Variants in ZNF684 observed in about 807,000 individuals in gnomAD.
The protein encoded by ZNF684 is hypothetical protein MGC27466.
In ZNF684, 13 loss-of-function variants were observed where a neutral mutation model predicts 12.8. The observed-to-expected ratio is 1.02, with a 90% CI of 0.66 to 1.62. ZNF684 has a LOEUF of 1.62. Among genes scored for constraint, ZNF684 ranks in the 40% most tolerant of loss-of-function variants. The pLI is 0.00. For missense variants in ZNF684, 384 were observed against 446.9 expected, an observed-to-expected ratio of 0.86 and a Z score of 1.27; for synonymous variants, 118 against 151.8, an observed-to-expected ratio of 0.78 and a Z score of 1.64.
Position 40,533,133 on chromosome 1 carries a change from A to G in ZNF684, c.-24-10A>G, listed in dbSNP as rs1645966366. On this transcript the variant is annotated splice_polypyrimidine_tract_variant and intron_variant, in intron 1 of 4. Transcript: ENST00000372699. Reference sequence around the variant, plus strand: ...TCTTTCTATTCTCTTCCCCATTTCTACTTTCATAGATTTCTGTGTAAGAGC... The same window carrying G: ...TCTTTCTATTCTCTTCCCCATTTCTGCTTTCATAGATTTCTGTGTAAGAGC... 1.2e-6 allele frequency: 2 copies of G among 1,610,544 alleles called. No homozygotes were observed. Among genetic ancestry groups the G allele is most frequent in the Non-Finnish European group, 8.5e-7 (1 of 1,177,206 alleles).
intron 2 of ZNF684, among the ~76,000 whole-genome samples, chr1:40,536,715 C>T (rs1167223541): frequency 3.5e-4 from 51 of 144,972 alleles, no homozygotes; most frequent in African/African-American, 1.2e-3. Context: ...TTCCTGTGTC[C>T]ATGTGTTCTC....
intron 4 of ZNF684, among the ~76,000 whole-genome samples, chr1:40,545,917 T>C (rs1187270630): frequency 8.3e-4 from 66 of 79,736 alleles, no homozygotes; most frequent in East Asian, 5.5e-3. Flanking sequence ...CTCCTTTTCT[T>C]TTTTTTTTTT....
At position 40,547,737 on chromosome 1, in the gene ZNF684, CTT is replaced by C. The variant is rs199835807; in HGVS notation, c.*280_*281del. On this transcript the variant is annotated 3_prime_UTR_variant, in exon 5 of 5. Transcript: ENST00000372699. ...TGAAAACTACATTTGCCATTCCTGA[CTT>C]TTAATTTTTATAATAAAATAATTAT... 2,091 of 227,050 alleles carry C rather than the reference CTT, an allele frequency of 9.2e-3. 44 individuals carry two copies. Among genetic ancestry groups the C allele is most frequent in the African/African-American group, 0.045 (1,987 of 43,724 alleles). The allele number at this position is 227,050 out of a possible 1,614,324, so 14.1% of individuals were successfully genotyped here.
intron 2 of ZNF684, among the ~76,000 whole-genome samples, chr1:40,540,231 C>G (rs1646006936): frequency 6.6e-6 from 1 of 152,070 alleles, no homozygotes; most frequent in Admixed American, 6.6e-5. Flanking sequence ...TGTTTGATAG[C>G]TTTGTTTCTT....
chr1:40,541,549 CA>C, intron 3 of ZNF684, 65 bp from the exon 4 acceptor site: 2 of 1,319,136 alleles, frequency 1.5e-6, no homozygotes, highest in Non-Finnish European at 2.2e-6. Context: ...GGAGGTAACC[CA>C]AGTTGTGAGC....
Position 40,540,495 on chromosome 1 carries a change from A to C in ZNF684, c.16-91A>C, listed in dbSNP as rs148600714. 4.7e-5 allele frequency: 62 copies of C among 1,313,502 alleles called. No individual in the cohort carries two copies. The African/African-American group carries it at 8.1e-4, about 17-fold the overall frequency. The allele number at this position is 1,313,502 out of a possible 1,614,324, so 81.4% of individuals were successfully genotyped here. On this transcript the variant is annotated intron_variant, in intron 2 of 4. Coordinates refer to ENST00000372699, the MANE Select transcript of ZNF684 (RefSeq NM_152373.4). Reference sequence around the variant, plus strand: ...CTGATTTTCTACAAACTCAACAGTGAACATGATATGATATTAAGGAGCTGC... The same window carrying C: ...CTGATTTTCTACAAACTCAACAGTGCACATGATATGATATTAAGGAGCTGC...
At chr1:40,532,477 T>C (rs1645963089) in intron 1 of ZNF684, among the ~76,000 whole-genome samples, 1 of 151,932 alleles carries the variant, frequency 6.6e-6, no homozygotes, top group Non-Finnish European at 1.5e-5. Flanking sequence ...TTGTAGAGTC[T>C]CTTGGTGTAT....
intron 2 of ZNF684, among the ~76,000 whole-genome samples, chr1:40,537,754 AT>A (rs1645993352): frequency 6.6e-6 from 1 of 152,162 alleles, no homozygotes. Context: ...AAAAAAAAAA[AT>A]AACAATTGTA....
intron 2 of ZNF684, among the ~76,000 whole-genome samples, chr1:40,533,857 T>C (rs1194148717): frequency 6.8e-6 from 1 of 147,356 alleles, no homozygotes; most frequent in East Asian, 2.0e-4. Flanking sequence ...ACAGTCTTGC[T>C]CTGTTGCCTA....
rs745378245 is a variant in ZNF684, at chr1:40,533,229, C to T, written c.15+48C>T. 8.2e-6 allele frequency: 13 copies of T among 1,587,172 alleles called. No homozygotes were observed. In the Admixed American group the frequency reaches 1.9e-4, roughly 23 times the overall value. ...CAGTTGTTTAAATCTCCCAAAAATC[C>T]ATATGATAAAAAGGAAATGTATGGT... On this transcript the variant is annotated intron_variant, in intron 2 of 4. Coordinates refer to ENST00000372699, the MANE Select transcript of ZNF684 (RefSeq NM_152373.4).
chr1:40,539,174 C>T (rs771202082), intron 2 of ZNF684, among the ~76,000 whole-genome samples: 4 of 151,898 alleles, frequency 2.6e-5, no homozygotes, highest in Admixed American at 6.6e-5. Flanking sequence ...AGACTACAGG[C>T]GCATGCCACC....
chr1:40,546,505 C>G, intron 4 of ZNF684, 57 bp from the exon 5 acceptor site: 1 of 1,462,716 alleles, frequency 6.8e-7, no homozygotes, highest in Non-Finnish European at 9.1e-7. Flanking sequence ...ACGTTTTTCT[C>G]TATAGCATGT....
intron 4 of ZNF684, among the ~76,000 whole-genome samples, chr1:40,542,033 G>T (rs974018201): frequency 6.6e-6 from 1 of 151,898 alleles, no homozygotes; most frequent in South Asian, 2.1e-4. Context: ...TCTCAACATC[G>T]ATCTTTTTCT....
chr1:40,533,823 C>CTTTTTTTTTTTTTTTTTTTTTTT (rs574077502), intron 2 of ZNF684, among the ~76,000 whole-genome samples: 1 of 123,924 alleles, frequency 8.1e-6, no homozygotes. Flanking sequence ...GTTAGGTATT[C>CTTTTTTTTTTTTTTTTTTTTTTT]TTTTTTTTTT....
At chr1:40,545,177 A>T (rs1036519777) in intron 4 of ZNF684, 2 of 152,252 alleles carry the variant, frequency 1.3e-5, no homozygotes, top group African/African-American at 4.8e-5. Flanking sequence ...ACCACTCTAT[A>T]AAGAAATGTG....
At chr1:40,539,808 A>G (rs966747536) in intron 2 of ZNF684, among the ~76,000 whole-genome samples, 4 of 151,460 alleles carry the variant, frequency 2.6e-5, no homozygotes, top group Non-Finnish European at 5.9e-5. Flanking sequence ...CTTATTTACT[A>G]TACACATACC....
At chr1:40,539,771 C>T (rs1465035417) in intron 2 of ZNF684, among the ~76,000 whole-genome samples, 1 of 151,360 alleles carries the variant, frequency 6.6e-6, no homozygotes, top group African/African-American at 2.4e-5. Flanking sequence ...CAGTTTCAGA[C>T]CCTAATGTTG....
At chr1:40,533,299 T>C (rs1170397671) in intron 2 of ZNF684, 118 bp downstream of exon 2, 3 of 1,046,540 alleles carry the variant, frequency 2.9e-6, no homozygotes, top group African/African-American at 3.2e-5. Context: ...TAAAAGGAAA[T>C]TTAGAAGATT....
At chr1:40,534,897 G>T (rs1047001484) in intron 2 of ZNF684, among the ~76,000 whole-genome samples, 7 of 152,098 alleles carry the variant, frequency 4.6e-5, no homozygotes, top group African/African-American at 1.7e-4. Flanking sequence ...GTAGGCTAGG[G>T]CAGGAGGATC....
Sources: allele counts gnomAD v4.1 joint callset (sites outside exome capture counted in the v4.1 genomes callset), GRCh38; gene constraint gnomAD v4.1.1; transcripts MANE v1.5; gene names NCBI Gene and HGNC (gene_info 2026-07-23, HGNC 2026-07-21).